The following SLC9A9 variants were observed in gnomAD, a reference collection of about 807,000 sequenced individuals.
SLC9A9 encodes the protein sodium/hydrogen exchanger 9.
SLC9A9 carries 62 observed loss-of-function variants against 77.8 expected under a neutral mutation model. That is an observed-to-expected ratio of 0.80 (90% CI 0.65 to 0.98). The LOEUF (loss-of-function observed/expected upper bound fraction) is 0.98. Ranked by LOEUF, SLC9A9 falls within the 50% of genes least tolerant of loss-of-function variation. The pLI is 0.00. For synonymous variants in SLC9A9, 320 were observed against 283.5 expected (o/e 1.13, Z -1.29); for missense variants, 775 against 774.9 (o/e 1.00, Z 0.00).
At chr3:143,600,203 C>CG (rs1255170585) in intron 6 of SLC9A9, among the ~76,000 whole-genome samples, 1 of 152,088 alleles carries the variant, frequency 6.6e-6, no homozygotes, top group Admixed American at 6.6e-5. Context: ...CAACAGGCCC[C>CG]GGTGTGTGAT....
intron 2 of SLC9A9, among the ~76,000 whole-genome samples, chr3:143,817,139 T>A (rs889858977): frequency 2.5e-4 from 25 of 100,310 alleles, no homozygotes; most frequent in East Asian, 1.7e-3. Flanking sequence ...GTTTATTTTT[T>A]TTTTTATTTT....
In SLC9A9 at chr3:143,703,469, T is replaced by G. The variant is rs184149884; in HGVS notation, c.534-10162A>C. Among the ~76,000 whole-genome samples the G allele has an allele frequency of 2.8e-3, 428 of 152,016 alleles. 2 individuals carry two copies. Among genetic ancestry groups the G allele is most frequent in the African/African-American group, 9.9e-3 (412 of 41,492 alleles). On this transcript the variant is annotated intron_variant, in intron 4 of 15. Coordinates refer to ENST00000316549, the MANE Select transcript of SLC9A9 (RefSeq NM_173653.4). ...TAAGCAATATGCTCCTAAATGACAG[T>G]GGGTCAATGAAGAAATTAAGAAGGA...
chr3:143,680,831 CTCTGCTTTGGGACA>C (rs1212048288), intron 5 of SLC9A9, among the ~76,000 whole-genome samples: 1 of 152,112 alleles, frequency 6.6e-6, no homozygotes, highest in Non-Finnish European at 1.5e-5. Context: ...TTTACACATT[CTCTGCTTTGGGACA>C]CTGACCACGT....
intron 4 of SLC9A9, among the ~76,000 whole-genome samples, chr3:143,742,124 T>C (rs907961530): frequency 6.6e-6 from 1 of 152,112 alleles, no homozygotes; most frequent in African/African-American, 2.4e-5. Flanking sequence ...CTGCACTTGA[T>C]GGATCAGCTG....
At chr3:143,395,805 T>C in intron 12 of SLC9A9, among the ~76,000 whole-genome samples, 1 of 152,130 alleles carries the variant, frequency 6.6e-6, no homozygotes, top group East Asian at 1.9e-4. Flanking sequence ...AACAGACACT[T>C]CTCAAAAGAA....
chr3:143,670,399 T>C (rs375620550), intron 5 of SLC9A9, among the ~76,000 whole-genome samples: 11 of 152,318 alleles, frequency 7.2e-5, no homozygotes, highest in African/African-American at 2.6e-4. Context: ...AAAGTGATCA[T>C]GAGTTTAACA....
At chr3:143,509,003 T>A (rs1351303887) in intron 9 of SLC9A9, among the ~76,000 whole-genome samples, 1 of 152,218 alleles carries the variant, frequency 6.6e-6, no homozygotes, top group East Asian at 1.9e-4. Flanking sequence ...ACAAAGAAAA[T>A]AAAAAGCTAC....
intron 4 of SLC9A9, among the ~76,000 whole-genome samples, chr3:143,717,906 A>G (rs1369955375): frequency 2.0e-5 from 3 of 152,130 alleles, no homozygotes; most frequent in Non-Finnish European, 4.4e-5. Flanking sequence ...CAGATAAGGA[A>G]AGGAAAAATG....
rs748801537 is a variant in SLC9A9, at chr3:143,493,673, T to C, written c.1295A>G (p.Gln432Arg). ...CATACCTGAAAACATCATCATGTGC[T>C]GAAAGTTCCAGGGGATCTTCTGTTT... Reference protein sequence around the residue: ...GRKQKIPWNFQHMMMFSGLRG... With the variant: ...GRKQKIPWNFRHMMMFSGLRG... The change falls in exon 11 of 16, where the codon CAG becomes CGG. Residue 432 changes from glutamine to arginine, a missense_variant. Gln to Arg is a conservative substitution (Grantham distance 43). Transcript: ENST00000316549. 1 of 1,613,906 alleles carries C rather than the reference T, an allele frequency of 6.2e-7. No homozygotes were observed. The highest frequency in any genetic ancestry group is 1.1e-5 in the South Asian group (1 of 91,086).
chr3:143,814,403 C>A (rs927151129), intron 2 of SLC9A9, among the ~76,000 whole-genome samples: 12 of 152,026 alleles, frequency 7.9e-5, no homozygotes, highest in Non-Finnish European at 1.2e-4. Context: ...GGATCAAGGA[C>A]AGAATGCTGG....
chr3:143,554,021 A>G (rs962591849), intron 8 of SLC9A9, among the ~76,000 whole-genome samples: 1 of 152,154 alleles, frequency 6.6e-6, no homozygotes, highest in South Asian at 2.1e-4. Context: ...AATGTGGCCT[A>G]TGTCTGTCTA....
chr3:143,799,362 G>A (rs997274850), intron 2 of SLC9A9, among the ~76,000 whole-genome samples: 1 of 152,100 alleles, frequency 6.6e-6, no homozygotes, highest in African/African-American at 2.4e-5. Flanking sequence ...CCCACAACAG[G>A]ACTTAATTAA....
At chr3:143,381,549 T>G in intron 13 of SLC9A9, 1 of 167,892 alleles carries the variant, frequency 6.0e-6, no homozygotes, top group Non-Finnish European at 1.3e-5. Context: ...AACTCATTGT[T>G]CTAAACAATT....
At chr3:143,332,687 G>C (rs1313983829) in intron 14 of SLC9A9, among the ~76,000 whole-genome samples, 1 of 152,186 alleles carries the variant, frequency 6.6e-6, no homozygotes, top group Non-Finnish European at 1.5e-5. Flanking sequence ...AGATCCACTT[G>C]TCTGTAAATC....
chr3:143,806,237 C>T (rs2008709856), intron 2 of SLC9A9, among the ~76,000 whole-genome samples: 1 of 152,104 alleles, frequency 6.6e-6, no homozygotes, highest in South Asian at 2.1e-4. Context: ...TGAATTCTTA[C>T]TCATCTTTCA....
intron 4 of SLC9A9, among the ~76,000 whole-genome samples, chr3:143,719,613 ATTC>A (rs1934443758): frequency 1.3e-5 from 2 of 152,284 alleles, no homozygotes; most frequent in African/African-American, 4.8e-5. Flanking sequence ...ATCATATGTT[ATTC>A]TTCTTCATAT....
rs562551153 is a variant in SLC9A9 at position 143,823,309 on chromosome 3, G to A, written c.378+8710C>T. On this transcript the variant is annotated intron_variant, in intron 2 of 15. Coordinates refer to ENST00000316549, the MANE Select transcript of SLC9A9 (RefSeq NM_173653.4). Reference sequence around the variant, plus strand: ...TAACTTACAACTCAGCTAAAATGCAGTGGGGGAATGTCAGGTGGAGCTATG... The same window carrying A: ...TAACTTACAACTCAGCTAAAATGCAATGGGGGAATGTCAGGTGGAGCTATG... Among the ~76,000 whole-genome samples the A allele has an allele frequency of 9.7e-4, 148 of 152,328 alleles. 1 individual carries two copies. The highest frequency in any genetic ancestry group is 3.4e-3 in the African/African-American group (142 of 41,576).
At position 143,437,437 on chromosome 3, in the gene SLC9A9, G is replaced by A. The variant is rs190850500; in HGVS notation, c.1469+29600C>T. On this transcript the variant is annotated intron_variant, in intron 12 of 15. Transcript: ENST00000316549. ...GGACACAGGATGGCTAGAGGAAGTG[G>A]CGCCCAGCAAGGGCCCTGTCATACC... is the stretch of plus-strand genomic sequence containing the variant. 1.7e-4 allele frequency among the ~76,000 whole-genome samples: 26 copies of A among 152,342 alleles called. No individual in the cohort carries two copies. The East Asian group carries it at 4.4e-3, about 26-fold the overall frequency.
At chr3:143,314,622 C>A (rs976822735) in intron 14 of SLC9A9, among the ~76,000 whole-genome samples, 1 of 152,240 alleles carries the variant, frequency 6.6e-6, no homozygotes, top group Non-Finnish European at 1.5e-5. Context: ...GTTTCTCCAG[C>A]TGATGACTAA....
Sources: gnomAD v4.1 joint callset for allele counts (sites outside exome capture counted in the v4.1 genomes callset) on GRCh38, gnomAD v4.1.1 for gene constraint, MANE v1.5 for transcripts, NCBI Gene and HGNC (gene_info 2026-07-23, HGNC 2026-07-21) for gene names.